Variants in PCYOX1L observed in about 807,000 individuals in gnomAD.
PCYOX1L encodes prenylcysteine oxidase 1 like, also known as prenylcysteine oxidase 1-like.
PCYOX1L carries 40 observed loss-of-function variants against 44.1 expected under a neutral mutation model. The observed-to-expected ratio is 0.91, with a 90% CI of 0.70 to 1.18. The LOEUF (loss-of-function observed/expected upper bound fraction) is 1.18. PCYOX1L is among the 50% of genes most tolerant of loss of function. PCYOX1L has a pLI of 0.00. For synonymous variants in PCYOX1L, 266 were observed against 282.8 expected, an observed-to-expected ratio of 0.94 and a Z score of 0.60; for missense variants, 605 against 653.3, an observed-to-expected ratio of 0.93 and a Z score of 0.81.
chr5:149,362,659 G>T lies in PCYOX1L; in HGVS notation c.111G>T (p.Gly37=), dbSNP rs748665675. The change falls in exon 2 of 6, where the codon GGG becomes GGT. Residue 37 remains glycine (G), a synonymous_variant. Transcript: ENST00000274569. Reference sequence around the variant, plus strand: ...CAGCGGTGGTTGGGGCTGGGATTGGGGGCTCTGCTGTGGCCCATTTTCTCC... The same window carrying T: ...CAGCGGTGGTTGGGGCTGGGATTGGTGGCTCTGCTGTGGCCCATTTTCTCC... The part of the protein sequence containing the change: ...GKIAVVGAGI[G]GSAVAHFLQQ... The T allele has an allele frequency of 5.0e-6, 8 of 1,614,028 alleles. No homozygotes were observed. In the East Asian group the frequency reaches 1.8e-4, roughly 36 times the overall value.
intron 3 of PCYOX1L, chr5:149,365,302 G>C (rs1023532519): frequency 1.3e-5 from 2 of 152,206 alleles, no homozygotes; most frequent in African/African-American, 4.8e-5. Context: ...CCTCCATCTC[G>C]TGTCCTATTG....
intron 2 of PCYOX1L, 107 bp from the exon 3 acceptor site, chr5:149,363,929 A>C: frequency 7.6e-7 from 1 of 1,324,140 alleles, no homozygotes; most frequent in Non-Finnish European, 1.0e-6. Context: ...AGCAGCACAA[A>C]TGAACAAACC....
At position 149,368,404 on chromosome 5, in the gene PCYOX1L, G is replaced by A. The variant is rs758931331; in HGVS notation, c.1235G>A (p.Arg412His). 23 of 1,614,052 alleles carry A rather than the reference G, an allele frequency of 1.4e-5. No homozygotes were observed. Among genetic ancestry groups the A allele is most frequent in the South Asian group, 8.8e-5 (8 of 91,088 alleles). Reference protein sequence around the residue: ...LFRTQLKTLFRSYYSVQTAEW... With the variant: ...LFRTQLKTLFHSYYSVQTAEW... Reference sequence around the variant, plus strand: ...CGGACCCAGCTAAAGACCCTGTTCCGTTCCTATTACTCAGTGCAGACAGCT... The same window carrying A: ...CGGACCCAGCTAAAGACCCTGTTCCATTCCTATTACTCAGTGCAGACAGCT... Residue 412 changes from arginine (R) to histidine (H), a missense_variant, in exon 6 of 6, where the codon CGT becomes CAT. Transcript: ENST00000274569.
chr5:149,365,573 A>G (rs2242376), intron 3 of PCYOX1L: 138,492 of 266,218 alleles, frequency 0.52, 38,156 homozygotes, highest in African/African-American at 0.72. Flanking sequence ...CTGTGGCAGA[A>G]CCGACACTGT....
chr5:149,358,255 A>C, intron 1 of PCYOX1L, 99 bp downstream of exon 1: 1 of 1,268,830 alleles, frequency 7.9e-7, no homozygotes, highest in Non-Finnish European at 9.9e-7. Flanking sequence ...CGGCTGGGTG[A>C]GGGAGGGGTC....
At chr5:149,367,592 A>G (rs1224838474) in intron 5 of PCYOX1L, 92 bp downstream of exon 5, 3 of 1,538,556 alleles carry the variant, frequency 1.9e-6, no homozygotes, top group African/African-American at 1.4e-5. Context: ...CTGGTCTGTG[A>G]TCCCCCTGGG....
chr5:149,359,481 C>T (rs1280234490), intron 1 of PCYOX1L, among the ~76,000 whole-genome samples: 1 of 152,234 alleles, frequency 6.6e-6, no homozygotes, highest in African/African-American at 2.4e-5. Context: ...GTTAGGCAGG[C>T]AGTATCCATG....
chr5:149,363,478 A>G (rs1293971900), intron 2 of PCYOX1L: 1 of 230,466 alleles, frequency 4.3e-6, no homozygotes, highest in African/African-American at 2.2e-5. Flanking sequence ...GGTTAAACAA[A>G]TTATTGTATA....
rs1324283043 is a variant in PCYOX1L at position 149,364,034 on chromosome 5, A to G, written c.296-2A>G. 3.1e-6 allele frequency: 5 copies of G among 1,613,756 alleles called. No individual in the cohort carries two copies. The highest frequency in any genetic ancestry group is 4.2e-6 in the Non-Finnish European group (5 of 1,179,850). ...CTGAGGGGCTCCTCTTTGTCTCTGC[A>G]GGGCTGAGGCACCGGCGCGAGGTGG... On this transcript the variant is annotated splice_acceptor_variant, in intron 2 of 5. Coordinates refer to ENST00000274569, the MANE Select transcript of PCYOX1L (RefSeq NM_024028.4). LOFTEE classifies it high-confidence loss of function.
In PCYOX1L at chr5:149,362,783, A is replaced by G; in HGVS notation, c.235A>G (p.Ser79Gly). ...CTCAGTCAACAAGCAGCACTATGAG[A>G]GCGGGGCTGCCTCCTTCCACTCCCT... ...TISVNKQHYE[S>G]GAASFHSLSL... is the part of the protein sequence containing the mutation. The change falls in exon 2 of 6, where the codon AGC becomes GGC. Residue 79 changes from serine (S) to glycine (G), a missense_variant. Transcript: ENST00000274569. The G allele has an allele frequency of 2.5e-6, 4 of 1,614,134 alleles. No individual in the cohort carries two copies. Among genetic ancestry groups the G allele is most frequent in the Non-Finnish European group, 2.5e-6 (3 of 1,180,028 alleles).
chr5:149,368,822 G>A lies in PCYOX1L; in HGVS notation c.*168G>A, dbSNP rs1758326621. ...TCTGCCTATATTAAGGGTCCACACG[G>A]CGGCTGCTGCTTTTTTTTAAGGGGG... On this transcript the variant is annotated 3_prime_UTR_variant, in exon 6 of 6. Coordinates refer to ENST00000274569, the MANE Select transcript of PCYOX1L (RefSeq NM_024028.4). 2 of 504,138 alleles carry A rather than the reference G, an allele frequency of 4.0e-6. No homozygotes were observed. Among genetic ancestry groups the A allele is most frequent in the Non-Finnish European group, 6.3e-6 (2 of 318,272 alleles). 31.2% of individuals were successfully genotyped at this position (504,138 alleles called of 1,614,324 possible).
chr5:149,364,472 C>G (rs1561702073), intron 3 of PCYOX1L: 2 of 361,572 alleles, frequency 5.5e-6, no homozygotes, highest in Non-Finnish European at 1.0e-5. Context: ...GGGTTGCAAA[C>G]TCAGTCGCTT....
intron 4 of PCYOX1L, among the ~76,000 whole-genome samples, chr5:149,366,790 G>A (rs1183732001): frequency 6.6e-6 from 1 of 152,178 alleles, no homozygotes; most frequent in Non-Finnish European, 1.5e-5. Flanking sequence ...CTCCTTCGCA[G>A]CCTTCAGGCC....
chr5:149,363,389 T>C (rs968058876), intron 2 of PCYOX1L: 3 of 286,130 alleles, frequency 1.0e-5, no homozygotes, highest in Non-Finnish European at 2.1e-5. Context: ...GTAGCATAGA[T>C]ACCAAGTTAT....
chr5:149,366,642 C>T (rs1758218428), intron 4 of PCYOX1L, among the ~76,000 whole-genome samples: 1 of 152,208 alleles, frequency 6.6e-6, no homozygotes, highest in Non-Finnish European at 1.5e-5. Flanking sequence ...TTCCCTGATA[C>T]ATTGCAAACA....
chr5:149,363,031 G>A, intron 2 of PCYOX1L, 188 bp downstream of exon 2: 1 of 745,092 alleles, frequency 1.3e-6, no homozygotes. Flanking sequence ...GTTAGTTGCA[G>A]AGCCGGGATT....
At chr5:149,358,904 C>G (rs1223699298) in intron 1 of PCYOX1L, among the ~76,000 whole-genome samples, 1 of 152,222 alleles carries the variant, frequency 6.6e-6, no homozygotes, top group Non-Finnish European at 1.5e-5. Flanking sequence ...TGCTGCTATA[C>G]TTGCTGTGTC....
chr5:149,360,087 G>T (rs1757965716), intron 1 of PCYOX1L, among the ~76,000 whole-genome samples: 1 of 152,138 alleles, frequency 6.6e-6, no homozygotes, highest in Non-Finnish European at 1.5e-5. Context: ...ACACCCTCTG[G>T]GGCAGAATTC....
chr5:149,366,076 A>G lies in PCYOX1L; in HGVS notation c.605A>G (p.Gln202Arg), dbSNP rs761504141. 6.2e-7 allele frequency: 1 copy of G among 1,614,192 alleles called. No individual in the cohort carries two copies. The highest frequency in any genetic ancestry group is 1.1e-5 in the South Asian group (1 of 91,076). The change falls in exon 4 of 6, where the codon CAG becomes CGG. Residue 202 changes from glutamine (Q) to arginine (R), a missense_variant. Gln to Arg is a conservative substitution (Grantham distance 43, BLOSUM62 1). Coordinates refer to ENST00000274569, the MANE Select transcript of PCYOX1L (RefSeq NM_024028.4). The stretch of plus-strand genomic sequence containing the variant: ...TCCCTGCTGCAGGTGGGCGTCACGC[A>G]GCGCTTTATTGATGATGTCGTTTCT... Reference protein sequence around the residue: ...AESLLQVGVTQRFIDDVVSAV... With the variant: ...AESLLQVGVTRRFIDDVVSAV...
Sources: allele counts gnomAD v4.1 joint callset (sites outside exome capture counted in the v4.1 genomes callset), GRCh38; gene constraint gnomAD v4.1.1; transcripts MANE v1.5; gene names NCBI Gene and HGNC (gene_info 2026-07-23, HGNC 2026-07-21).